IGFN1: variants seen among roughly 807,000 people sequenced by gnomAD.
The protein encoded by IGFN1 is immunoglobulin like and fibronectin type III domain containing 1, also known as immunoglobulin-like and fibronectin type III domain-containing protein 1.
Under a neutral mutation model 289.5 loss-of-function variants are expected in IGFN1, and 253 were observed. The observed-to-expected ratio is 0.87, with a 90% CI of 0.79 to 0.97. The LOEUF (loss-of-function observed/expected upper bound fraction) is 0.97, where lower values mean the gene tolerates loss of function less well. Among genes scored for constraint, IGFN1 ranks in the 50% least tolerant of loss-of-function variants. IGFN1 has a pLI of 0.00. For synonymous variants in IGFN1, 1,706 were observed against 1,788.5 expected (o/e 0.95, Z 1.16); for missense variants, 4,470 against 4,686.1 (o/e 0.95, Z 1.35).
chr1:201,191,395 G>A (rs1264254392), intron 1 of IGFN1, among the ~76,000 whole-genome samples: 1 of 152,124 alleles, frequency 6.6e-6, no homozygotes. Flanking sequence ...GGAGGGTAGG[G>A]AAAAAGGATG....
Position 201,227,011 on chromosome 1 carries a change from G to A in IGFN1, c.10916G>A (p.Gly3639Asp), listed in dbSNP as rs758595308. The A allele has an allele frequency of 9.9e-6, 16 of 1,613,278 alleles. No homozygotes were observed. The highest frequency in any genetic ancestry group is 1.7e-5 in the Admixed American group (1 of 60,002). The change falls in exon 23 of 24, where the codon GGC becomes GAC. Residue 3639 changes from glycine to aspartate, a missense_variant. Physicochemically the swap from Gly to Asp is moderately conservative, Grantham distance 94. Around this residue, in one of 8 missense-constraint regions of IGFN1, gnomAD observed 2,218 missense variants for 2,114.1 expected, o/e 1.05. Coordinates refer to ENST00000335211, the MANE Select transcript of IGFN1 (RefSeq NM_001164586.2). ...CECCMSCAVQGSPRPHVTWFK... is the reference protein window; with the variant it reads ...CECCMSCAVQDSPRPHVTWFK... ...TGCTGCATGAGCTGTGCCGTGCAGG[G>A]CTCGCCCCGGCCCCACGTCACCTGG...
chr1:201,219,753 A>G (rs761768373), intron 18 of IGFN1, among the ~76,000 whole-genome samples: 1 of 152,186 alleles, frequency 6.6e-6, no homozygotes, highest in Non-Finnish European at 1.5e-5. Flanking sequence ...TGAACCCAAC[A>G]AGACCGAAAC....
At chr1:201,194,106 G>A (rs1371248045) in intron 2 of IGFN1, 48 bp from the exon 3 acceptor site, 4 of 1,544,936 alleles carry the variant, frequency 2.6e-6, no homozygotes, top group Admixed American at 4.0e-5. Flanking sequence ...GGCCACCCAG[G>A]AGGAAGAAGG....
At chr1:201,225,039 G>A (rs1299627659) in intron 21 of IGFN1, among the ~76,000 whole-genome samples, 165 bp downstream of exon 21, 2 of 152,224 alleles carry the variant, frequency 1.3e-5, no homozygotes, top group South Asian at 4.1e-4. Context: ...AAAGTAGAAA[G>A]GACCCCAGAA....
chr1:201,222,706 G>T, intron 19 of IGFN1, 33 bp from the exon 20 acceptor site: 2 of 1,536,546 alleles, frequency 1.3e-6, no homozygotes, highest in South Asian at 2.3e-5. Flanking sequence ...TGTGAGGGAG[G>T]AGGGAGGTAA....
chr1:201,227,677 G>T (rs1463401749), intron 23 of IGFN1, among the ~76,000 whole-genome samples: 1 of 151,934 alleles, frequency 6.6e-6, no homozygotes, highest in African/African-American at 2.4e-5. Context: ...TGATCCACCC[G>T]CCTCGGCCTC....
rs1349164997 is a variant in IGFN1 at position 201,209,460 on chromosome 1, G to A, written c.4567G>A (p.Gly1523Arg). Residue 1523 changes from glycine to arginine, a missense_variant, in exon 12 of 24, where the codon GGG becomes AGG. By Grantham distance (125) the Gly-to-Arg change is moderately radical. This residue lies in a region of IGFN1 where 2,011 missense variants were observed against 1,953.4 expected (regional missense o/e 1.03). Coordinates refer to ENST00000335211, the MANE Select transcript of IGFN1 (RefSeq NM_001164586.2). ...YRGGLGSGEM[G>R]SVDKAGYRKD... Reference sequence around the variant, plus strand: ...GGGTGGCTTAGGTTCTGGGGAAATGGGGTCTGTGGATAAGGCAGGCTATAG... The same window carrying A: ...GGGTGGCTTAGGTTCTGGGGAAATGAGGTCTGTGGATAAGGCAGGCTATAG... The A allele has an allele frequency of 2.6e-6, 4 of 1,536,426 alleles. No individual in the cohort carries two copies. Among genetic ancestry groups the A allele is most frequent in the Non-Finnish European group, 3.5e-6 (4 of 1,146,688 alleles).
At position 201,197,235 on chromosome 1, in the gene IGFN1, C is replaced by A; in HGVS notation, c.285C>A (p.Gly95=). The change falls in exon 5 of 24, where the codon GGC becomes GGA. Residue 95 remains glycine, a synonymous_variant. Coordinates refer to ENST00000335211, the MANE Select transcript of IGFN1 (RefSeq NM_001164586.2). ...EHVLQINKLT[G]EDTDLYRCTA... is the part of the protein sequence containing the mutation. ...CTCTGCAGATCAACAAGCTGACAGG[C>A]GAGGACACGGATCTGTACCGCTGCA... is the stretch of plus-strand genomic sequence containing the variant. 1.3e-6 allele frequency: 2 copies of A among 1,550,566 alleles called. No individual in the cohort carries two copies. Among genetic ancestry groups the A allele is most frequent in the Non-Finnish European group, 1.7e-6 (2 of 1,145,998 alleles).
rs1667904040 is a variant in IGFN1, at chr1:201,213,045, T to G, written c.8152T>G (p.Ser2718Ala). The G allele has an allele frequency of 1.3e-6, 2 of 1,551,560 alleles. No homozygotes were observed. The highest frequency in any genetic ancestry group is 1.7e-6 in the Non-Finnish European group (2 of 1,146,932). Reference sequence around the variant, plus strand: ...CTCAGGTATCCTGGGCAAGGGGAATTCTACTGAGTGGGGGAATGCCCTCAC... The same window carrying G: ...CTCAGGTATCCTGGGCAAGGGGAATGCTACTGAGTGGGGGAATGCCCTCAC... ...EDSGILGKGN[S>A]TEWGNALTPK... Residue 2718 changes from serine to alanine, a missense_variant, in exon 12 of 24, where the codon TCT becomes GCT. Ser to Ala is a moderately conservative substitution (Grantham distance 99). Around this residue, in one of 8 missense-constraint regions of IGFN1, gnomAD observed 2,218 missense variants for 2,114.1 expected, o/e 1.05. Coordinates refer to ENST00000335211, the MANE Select transcript of IGFN1 (RefSeq NM_001164586.2).
chr1:201,212,169 A>G lies in IGFN1; in HGVS notation c.7276A>G (p.Met2426Val). ...DGAGPGVEPG[M>V]AGMPGTAGGM... ...GGCAGGACCTGGGGTGGAACCTGGG[A>G]TGGCTGGAATGCCAGGCACTGCAGG... Residue 2426 changes from methionine to valine, a missense_variant, in exon 12 of 24, where the codon ATG becomes GTG. By Grantham distance (21) the Met-to-Val change is conservative. This residue lies in a region of IGFN1 where 2,218 missense variants were observed against 2,114.1 expected (regional missense o/e 1.05). Transcript: ENST00000335211. 6.5e-7 allele frequency: 1 copy of G among 1,535,950 alleles called. No individual in the cohort carries two copies. The highest frequency in any genetic ancestry group is 8.7e-7 in the Non-Finnish European group (1 of 1,146,550).
At chr1:201,215,998 C>T in intron 15 of IGFN1, 160 bp downstream of exon 15, 1 of 797,290 alleles carries the variant, frequency 1.3e-6, no homozygotes. Context: ...GCTCAGACTG[C>T]TTAGGAAGAA....
In IGFN1 at chr1:201,215,521, C is replaced by A. The variant is rs1261392057; in HGVS notation, c.8996-18C>A. The stretch of plus-strand genomic sequence containing the variant: ...CCCAGTGCCCTGGTCTTCCTTGACT[C>A]TCTTGTTTTATTTCTAGATTCCCCT... On this transcript the variant is annotated intron_variant, in intron 14 of 23. Transcript: ENST00000335211. The A allele has an allele frequency of 6.5e-7, 1 of 1,540,010 alleles. No individual in the cohort carries two copies. The highest frequency in any genetic ancestry group is 2.3e-5 in the East Asian group (1 of 44,110).
rs754699128 is a variant in IGFN1, at chr1:201,215,681, G to T, written c.9138G>T (p.Val3046=). 1 of 1,613,940 alleles carries T rather than the reference G, an allele frequency of 6.2e-7. No homozygotes were observed. Among genetic ancestry groups the T allele is most frequent in the East Asian group, 2.2e-5 (1 of 44,880 alleles). The change falls in exon 15 of 24, where the codon GTG becomes GTT. Residue 3046 remains valine (V), a synonymous_variant. Coordinates refer to ENST00000335211, the MANE Select transcript of IGFN1 (RefSeq NM_001164586.2). ...QAAWRKDGAE[V]VGSSDREAQV... is the part of the protein sequence containing the mutation. ...CCTGGAGGAAGGACGGGGCTGAGGTGGTGGGCAGCAGTGACAGGGAGGCCC... is the reference window on the plus strand; with the variant it reads ...CCTGGAGGAAGGACGGGGCTGAGGTTGTGGGCAGCAGTGACAGGGAGGCCC...
chr1:201,199,035 T>C (rs1302502965), intron 5 of IGFN1, among the ~76,000 whole-genome samples: 1 of 152,214 alleles, frequency 6.6e-6, no homozygotes, highest in Non-Finnish European at 1.5e-5. Flanking sequence ...CAGTGTCTGC[T>C]TCACGCATTT....
chr1:201,211,536 A>G lies in IGFN1; in HGVS notation c.6643A>G (p.Arg2215Gly), dbSNP rs1667797972. The change falls in exon 12 of 24, where the codon AGG becomes GGG. Residue 2215 changes from arginine (R) to glycine (G), a missense_variant. Arg to Gly is a moderately radical substitution (Grantham distance 125). Coordinates refer to ENST00000335211, the MANE Select transcript of IGFN1 (RefSeq NM_001164586.2). ...GGGGTCAGTGAATAAGGCAGGTTATAGGAAGGATTTGGGGGCTCCTAAGGG... is the reference window on the plus strand; with the variant it reads ...GGGGTCAGTGAATAAGGCAGGTTATGGGAAGGATTTGGGGGCTCCTAAGGG... Reference protein sequence around the residue: ...EMGSVNKAGYRKDLGAPKGMG... With the variant: ...EMGSVNKAGYGKDLGAPKGMG... The G allele has an allele frequency of 6.6e-7, 1 of 1,522,010 alleles. No homozygotes were observed. The highest frequency in any genetic ancestry group is 8.8e-7 in the Non-Finnish European group (1 of 1,138,874). 94.3% of individuals were successfully genotyped at this position (1,522,010 alleles called of 1,614,324 possible).
Position 201,193,240 on chromosome 1 carries a change from T to A in IGFN1, c.-47-7T>A. ...TTTCTCAAAAGCAATTCCATTTCTG[T>A]TCTCAGGGTAATAGAACTTCTACCC... On this transcript the variant is annotated splice_polypyrimidine_tract_variant and splice_region_variant and intron_variant, in intron 1 of 23. Transcript: ENST00000335211. The A allele has an allele frequency of 5.1e-6, 7 of 1,375,512 alleles. No individual in the cohort carries two copies. Among genetic ancestry groups the A allele is most frequent in the African/African-American group, 1.4e-5 (1 of 70,266 alleles). The allele number at this position is 1,375,512 out of a possible 1,614,324, so 85.2% of individuals were successfully genotyped here.
chr1:201,205,565 T>C (rs946315212), intron 11 of IGFN1, among the ~76,000 whole-genome samples: 5 of 152,182 alleles, frequency 3.3e-5, no homozygotes, highest in African/African-American at 4.8e-5. Context: ...TGGAATTACT[T>C]TGGGGCACAG....
At chr1:201,217,548 C>A (rs563006305) in intron 17 of IGFN1, 88 bp downstream of exon 17, 1 of 1,387,556 alleles carries the variant, frequency 7.2e-7, no homozygotes. Context: ...TGGTTTAATA[C>A]AGTCGTTCTC....
chr1:201,205,393 G>T, intron 11 of IGFN1, 39 bp downstream of exon 11: 1 of 1,493,866 alleles, frequency 6.7e-7, no homozygotes. Flanking sequence ...TGCCTCCAGG[G>T]AAGACCTTGG....
Sources: allele counts gnomAD v4.1 joint callset (sites outside exome capture counted in the v4.1 genomes callset), GRCh38; gene constraint gnomAD v4.1.1; regional missense constraint gnomAD v4.1.1; transcripts MANE v1.5; gene names NCBI Gene and HGNC (gene_info 2026-07-23, HGNC 2026-07-21).